Variants in PRKACB observed in about 807,000 individuals in gnomAD.
The protein encoded by PRKACB is cAMP-dependent protein kinase catalytic subunit beta.
A neutral mutation model predicts 51.4 loss-of-function variants in PRKACB; 16 were observed. That is an observed-to-expected ratio of 0.31 (90% CI 0.21 to 0.47). The LOEUF (loss-of-function observed/expected upper bound fraction) is 0.47, where lower values mean the gene tolerates loss of function less well. Among genes scored for constraint, PRKACB ranks in the 20% least tolerant of loss-of-function variants. PRKACB has a pLI of 1.00. For synonymous variants in PRKACB, 147 were observed against 154.4 expected, an observed-to-expected ratio of 0.95 and a Z score of 0.35; for missense variants, 309 against 464.5, an observed-to-expected ratio of 0.67 and a Z score of 3.08.
chr1:84,173,330 A>T lies in PRKACB; in HGVS notation c.188-5847A>T, dbSNP rs1037613071. ...CTCTGTTTATTCTTTTTGATCAAGC[A>T]CGCAAATCATCAGATGCATCTGGTA... On this transcript the variant is annotated intron_variant, in intron 1 of 9. Transcript: ENST00000370685. 17 of 1,573,272 alleles carry T rather than the reference A, an allele frequency of 1.1e-5. No homozygotes were observed. In the African/African-American group the frequency reaches 2.2e-4, roughly 20 times the overall value.
Position 84,110,165 on chromosome 1 carries a change from C to T in PRKACB, c.46+31794C>T, listed in dbSNP as rs1164118189. 2.0e-5 allele frequency among the ~76,000 whole-genome samples: 3 copies of T among 151,486 alleles called. No individual in the cohort carries two copies. The East Asian group carries it at 5.8e-4, about 29-fold the overall frequency. ...CAAACAACCAAGAGAATTCAACCAG[C>T]CATGTATCAAAAATATTAAAACAAC... On this transcript the variant is annotated intron_variant, in intron 1 of 8. Coordinates refer to the PRKACB transcript ENST00000370688.
chr1:84,223,739 C>G lies in PRKACB; in HGVS notation c.1071+9422C>G, dbSNP rs570199331. Among the ~76,000 whole-genome samples, 14 of 152,098 alleles carry G rather than the reference C, an allele frequency of 9.2e-5. No individual in the cohort carries two copies. The East Asian group carries it at 1.7e-3, about 19-fold the overall frequency. Reference sequence around the variant, plus strand: ...ATATCCTGAATTGTTTTCCTGATGTCTTTGTATTGTTTGTCTGTGTTCTCT... The same window carrying G: ...ATATCCTGAATTGTTTTCCTGATGTGTTTGTATTGTTTGTCTGTGTTCTCT... On this transcript the variant is annotated intron_variant, in intron 9 of 9. Transcript: ENST00000370685.
intron 1 of PRKACB, among the ~76,000 whole-genome samples, chr1:84,172,568 G>A (rs1659875889): frequency 6.6e-6 from 1 of 151,698 alleles, no homozygotes; most frequent in African/African-American, 2.4e-5. Context: ...TGAATTCATA[G>A]TGTATCCATC....
intron 1 of PRKACB, among the ~76,000 whole-genome samples, chr1:84,162,568 T>C (rs549323301): frequency 2.5e-4 from 38 of 152,202 alleles, no homozygotes; most frequent in Middle Eastern, 3.4e-3. Flanking sequence ...AATCTGCTGT[T>C]GGGCTTACTA....
chr1:84,111,212 C>T (rs936789090), intron 1 of PRKACB, among the ~76,000 whole-genome samples: 3 of 152,002 alleles, frequency 2.0e-5, no homozygotes, highest in African/African-American at 7.2e-5. Flanking sequence ...CCTATCACTT[C>T]TTAAAGTACT....
intron 1 of PRKACB, chr1:84,085,814 C>T (rs1052600766): frequency 3.1e-5 from 13 of 424,460 alleles, no homozygotes; most frequent in Admixed American, 2.0e-4. Flanking sequence ...GATCGGTGGC[C>T]ACCTCTCACT....
At chr1:84,210,332 C>T (rs1400331826) in intron 8 of PRKACB, among the ~76,000 whole-genome samples, 1 of 152,178 alleles carries the variant, frequency 6.6e-6, no homozygotes, top group Non-Finnish European at 1.5e-5. Context: ...ACAAACACCT[C>T]TTCCATGTTA....
At chr1:84,197,878 A>C in intron 7 of PRKACB, 54 bp downstream of exon 7, 1 of 1,247,150 alleles carries the variant, frequency 8.0e-7, no homozygotes, top group Non-Finnish European at 1.1e-6. Flanking sequence ...ATGCATCCCT[A>C]TGGACTTTTG....
chr1:84,149,181 A>G (rs571941011), intron 1 of PRKACB, among the ~76,000 whole-genome samples: 5 of 152,310 alleles, frequency 3.3e-5, no homozygotes, highest in Non-Finnish European at 5.9e-5. Context: ...AAAAGTATAC[A>G]TAATTCTGCC....
chr1:84,078,105 CGCCGCCGCCGCCGCCGCT>C, upstream of PRKACB: 1 of 444,836 alleles, frequency 2.2e-6, no homozygotes, highest in South Asian at 5.8e-5. Flanking sequence ...CCGTCGCCGC[CGCCGCCGCCGCCGCCGCT>C]GCTGCTGCCG....
At chr1:84,174,339 A>G (rs1344198604) in intron 1 of PRKACB, among the ~76,000 whole-genome samples, 5 of 151,742 alleles carry the variant, frequency 3.3e-5, no homozygotes, top group African/African-American at 1.2e-4. Flanking sequence ...TTCAGCACAA[A>G]TGCTGTATTC....
At chr1:84,098,619 T>A (rs1305464034) in intron 1 of PRKACB, among the ~76,000 whole-genome samples, 1 of 152,074 alleles carries the variant, frequency 6.6e-6, no homozygotes, top group Non-Finnish European at 1.5e-5. Context: ...GAGTACAATA[T>A]GATTGCCAGA....
At chr1:84,194,854 C>A (rs2101164566) in intron 5 of PRKACB, among the ~76,000 whole-genome samples, 1 of 152,182 alleles carries the variant, frequency 6.6e-6, no homozygotes, top group Non-Finnish European at 1.5e-5. Flanking sequence ...GGGAAGATTG[C>A]ATGAGCCCAA....
intron 1 of PRKACB, among the ~76,000 whole-genome samples, chr1:84,156,857 T>C (rs922190910): frequency 2.0e-5 from 3 of 152,178 alleles, no homozygotes; most frequent in African/African-American, 7.2e-5. Context: ...CACTGAATAA[T>C]TGTCCTCTTT....
rs181271258 is a variant in PRKACB, at chr1:84,175,646, A to G, written c.188-3531A>G. Among the ~76,000 whole-genome samples, 432 of 151,838 alleles carry G rather than the reference A, an allele frequency of 2.8e-3. 8 individuals carry two copies. Among genetic ancestry groups the G allele is most frequent in the Admixed American group, 0.018 (278 of 15,210 alleles). ...AAATCTGATTTTTAAACTATGTTCT[A>G]TGTATAAATACATTGAAAAATTTGA... On this transcript the variant is annotated intron_variant, in intron 1 of 9. Coordinates refer to ENST00000370685, the MANE Select transcript of PRKACB (RefSeq NM_182948.4).
intron 1 of PRKACB, among the ~76,000 whole-genome samples, chr1:84,124,397 A>T (rs892140019): frequency 6.6e-6 from 1 of 152,250 alleles, no homozygotes; most frequent in Non-Finnish European, 1.5e-5. Flanking sequence ...TTGTATTAGT[A>T]TAACTTTACA....
chr1:84,107,341 T>C lies in PRKACB; in HGVS notation c.46+28970T>C, dbSNP rs552047970. On this transcript the variant is annotated intron_variant, in intron 1 of 8. Coordinates refer to the PRKACB transcript ENST00000370688. The stretch of plus-strand genomic sequence containing the variant: ...ACCATATGCAAAAATCAACCCAAAA[T>C]GAATTAAAGACCTAAATGGAGAACC... Among the ~76,000 whole-genome samples, 108 of 151,896 alleles carry C rather than the reference T, an allele frequency of 7.1e-4. 2 individuals carry two copies. Among genetic ancestry groups the C allele is most frequent in the Middle Eastern group, 6.8e-3 (2 of 294 alleles).
chr1:84,139,380 C>T (rs896965190), upstream of PRKACB, among the ~76,000 whole-genome samples: 1 of 152,078 alleles, frequency 6.6e-6, no homozygotes, highest in East Asian at 1.9e-4. Flanking sequence ...TAGTTTGGTA[C>T]AAAAGTAATA....
chr1:84,089,947 T>C (rs1280894267), intron 1 of PRKACB, among the ~76,000 whole-genome samples: 1 of 152,196 alleles, frequency 6.6e-6, no homozygotes, highest in African/African-American at 2.4e-5. Flanking sequence ...CCTTTGCACA[T>C]CTGCCTCTTT....
Sources: gnomAD v4.1 joint callset for allele counts (sites outside exome capture counted in the v4.1 genomes callset) on GRCh38, gnomAD v4.1.1 for gene constraint, MANE v1.5 for transcripts, NCBI Gene and HGNC (gene_info 2026-07-23, HGNC 2026-07-21) for gene names.